ZNF503: variants seen among roughly 807,000 people sequenced by gnomAD.
ZNF503 encodes the protein zinc finger protein 503.
Under a neutral mutation model 34.4 loss-of-function variants are expected in ZNF503, and 15 were observed. The ratio of observed to expected loss-of-function variants is 0.44; its 90% CI spans 0.29 to 0.67. The LOEUF (loss-of-function observed/expected upper bound fraction) is 0.67, where lower values mean the gene tolerates loss of function less well. Ranked by LOEUF, ZNF503 falls within the 30% of genes least tolerant of loss-of-function variation. ZNF503 has a pLI of 0.13. For missense variants in ZNF503, 1,007 were observed against 926.8 expected (o/e 1.09, Z -1.12); for synonymous variants, 580 against 456.8 (o/e 1.27, Z -3.44).
chr10:75,400,357 G>A lies in ZNF503; in HGVS notation c.333C>T (p.Ser111=), dbSNP rs1353277143. The change falls in exon 2 of 2, where the codon AGC becomes AGT. Residue 111 remains serine (S), a synonymous_variant. Transcript: ENST00000372524. ...ATGTTTGCGCCAACAGCGCCAGCGG[G>A]CTCTTCTTGGCATCGAGCTGCGGGG... is the stretch of plus-strand genomic sequence containing the variant. The part of the protein sequence containing the change: ...VSPIELDAKK[S]PLALLAQTCS... The A allele has an allele frequency of 1.2e-6, 2 of 1,609,060 alleles. No individual in the cohort carries two copies. The highest frequency in any genetic ancestry group is 1.1e-5 in the South Asian group (1 of 90,908).
the ZNF503 span, chr10:75,284,162 GAGA>G: frequency 6.6e-6 from 1 of 151,480 alleles, no homozygotes; most frequent in African/African-American, 2.4e-5. Flanking sequence ...AGAGGGGAGG[GAGA>G]AGAAGGGAGG....
At chr10:75,382,206 T>G in the ZNF503 span, among the ~76,000 whole-genome samples, 1 of 152,248 alleles carries the variant, frequency 6.6e-6, no homozygotes, top group African/African-American at 2.4e-5. Flanking sequence ...GAGGGAGTCA[T>G]ACTTTTTTTT....
At chr10:75,336,248 T>G in the ZNF503 span, among the ~76,000 whole-genome samples, 1 of 152,214 alleles carries the variant, frequency 6.6e-6, no homozygotes, top group African/African-American at 2.4e-5. Flanking sequence ...TTCTTCTGCT[T>G]TTCCTGTGCT....
At chr10:75,390,133 G>A in the ZNF503 span, among the ~76,000 whole-genome samples, 3 of 151,984 alleles carry the variant, frequency 2.0e-5, no homozygotes, top group South Asian at 4.2e-4. Flanking sequence ...TCCTGACCTC[G>A]TGATCCGCCT....
chr10:75,338,088 A>G, the ZNF503 span, among the ~76,000 whole-genome samples: 1 of 152,248 alleles, frequency 6.6e-6, no homozygotes, highest in African/African-American at 2.4e-5. Flanking sequence ...CAGAGATCAA[A>G]TGTTCCAGTG....
chr10:75,393,113 G>T (rs1843661306), downstream of ZNF503, among the ~76,000 whole-genome samples: 1 of 152,232 alleles, frequency 6.6e-6, no homozygotes, highest in Non-Finnish European at 1.5e-5. Flanking sequence ...TTCCTAGCCA[G>T]GGCTAGAGTC....
chr10:75,400,628 GCTAA>G (rs1180100489), intron 1 of ZNF503, among the ~76,000 whole-genome samples: 2 of 151,988 alleles, frequency 1.3e-5, no homozygotes, highest in Non-Finnish European at 2.9e-5. Flanking sequence ...CTCTCTGAGC[GCTAA>G]CTAGATTTTT....
rs1843763908 is a variant in ZNF503 at position 75,399,983 on chromosome 10, CAGG to C, written c.704_706del (p.Ala235_Cys236delinsGly). 1 of 1,605,878 alleles carries C rather than the reference CAGG, an allele frequency of 6.2e-7. No homozygotes were observed. The highest frequency in any genetic ancestry group is 8.5e-7 in the Non-Finnish European group (1 of 1,179,338). On this transcript the variant is annotated inframe_deletion, in exon 2 of 2. Coordinates refer to ENST00000372524, the MANE Select transcript of ZNF503 (RefSeq NM_032772.6). The stretch of plus-strand genomic sequence containing the variant: ...CGAGGACAGCATACCTCCCGGCGAG[CAGG>C]CCGAGGCGCTGGAGCTCGGGCTGCC...
chr10:75,357,240 G>A, the ZNF503 span, among the ~76,000 whole-genome samples: 4 of 152,132 alleles, frequency 2.6e-5, no homozygotes, highest in South Asian at 2.1e-4. Context: ...CAATAGGGCC[G>A]GGCACAGTAG....
the ZNF503 span, among the ~76,000 whole-genome samples, chr10:75,385,984 G>A: frequency 1.3e-5 from 2 of 152,210 alleles, no homozygotes; most frequent in Admixed American, 6.5e-5. Flanking sequence ...AGAAACTCAA[G>A]CCATACAAAA....
At chr10:75,307,664 G>A in the ZNF503 span, among the ~76,000 whole-genome samples, 2 of 152,356 alleles carry the variant, frequency 1.3e-5, no homozygotes, top group South Asian at 2.1e-4. Context: ...AGAAGTCAAC[G>A]TCTGGCTTCA....
chr10:75,350,949 G>A, the ZNF503 span, among the ~76,000 whole-genome samples: 1 of 151,128 alleles, frequency 6.6e-6, no homozygotes, highest in Admixed American at 6.5e-5. Context: ...CCTGCCACAT[G>A]GGGCTACTTC....
chr10:75,391,512 C>G, the ZNF503 span, among the ~76,000 whole-genome samples: 1 of 152,228 alleles, frequency 6.6e-6, no homozygotes, highest in Non-Finnish European at 1.5e-5. Flanking sequence ...GGGAGAATAT[C>G]TATCTTCCAT....
chr10:75,301,425 G>C, the ZNF503 span, among the ~76,000 whole-genome samples: 3 of 152,074 alleles, frequency 2.0e-5, 1 homozygote, highest in South Asian at 6.2e-4. Context: ...TATTTTAGTA[G>C]AGATGGGGTT....
chr10:75,390,149 A>G, the ZNF503 span, among the ~76,000 whole-genome samples: 1 of 151,544 alleles, frequency 6.6e-6, no homozygotes, highest in East Asian at 1.9e-4. Flanking sequence ...CGCCTGCCTC[A>G]GCCTCCCAAA....
the ZNF503 span, among the ~76,000 whole-genome samples, chr10:75,365,307 C>A: frequency 6.6e-6 from 1 of 152,080 alleles, no homozygotes; most frequent in Non-Finnish European, 1.5e-5. Context: ...GCCACCACAC[C>A]CGGCTAATTT....
At chr10:75,387,444 C>T in the ZNF503 span, among the ~76,000 whole-genome samples, 1 of 152,202 alleles carries the variant, frequency 6.6e-6, no homozygotes, top group Non-Finnish European at 1.5e-5. Context: ...TTATCTCCTA[C>T]AGGTCTTGTG....
the ZNF503 span, among the ~76,000 whole-genome samples, chr10:75,374,166 G>T: frequency 6.6e-6 from 1 of 152,286 alleles, no homozygotes; most frequent in Non-Finnish European, 1.5e-5. Flanking sequence ...ACAACAATTA[G>T]CAGGCCATGG....
rs760488543 is a variant in ZNF503, at chr10:75,399,321, C to G, written c.1369G>C (p.Ala457Pro). Residue 457 changes from alanine (A) to proline (P), a missense_variant, in exon 2 of 2, where the codon GCT becomes CCT. Coordinates refer to ENST00000372524, the MANE Select transcript of ZNF503 (RefSeq NM_032772.6). ...ASASCAHDPA[A>P]AAAALKSGYP... Reference sequence around the variant, plus strand: ...CCGGACTTCAGCGCCGCAGCCGCAGCAGCCGGATCATGTGCGCAAGAAGCG... The same window carrying G: ...CCGGACTTCAGCGCCGCAGCCGCAGGAGCCGGATCATGTGCGCAAGAAGCG... 1.2e-6 allele frequency: 2 copies of G among 1,603,710 alleles called. No individual in the cohort carries two copies. The highest frequency in any genetic ancestry group is 4.5e-5 in the East Asian group (2 of 44,536).
Sources: allele counts gnomAD v4.1 joint callset (sites outside exome capture counted in the v4.1 genomes callset), GRCh38; gene constraint gnomAD v4.1.1; transcripts MANE v1.5; gene names NCBI Gene and HGNC (gene_info 2026-07-23, HGNC 2026-07-21).